KIAA1217: variants seen among roughly 807,000 people sequenced by gnomAD.
KIAA1217 encodes sickle tail protein homolog.
KIAA1217 carries 88 observed loss-of-function variants against 163.9 expected under a neutral mutation model. That is an observed-to-expected ratio of 0.54 (90% CI 0.45 to 0.64). The LOEUF is 0.64. Ranked by LOEUF, KIAA1217 falls within the 30% of genes least tolerant of loss-of-function variation. KIAA1217 has a pLI of 0.00. For synonymous variants in KIAA1217, 903 were observed against 923.1 expected, an observed-to-expected ratio of 0.98 and a Z score of 0.39; for missense variants, 2,372 against 2,475.0, an observed-to-expected ratio of 0.96 and a Z score of 0.88.
intron 2 of KIAA1217, among the ~76,000 whole-genome samples, chr10:24,185,235 T>C (rs2066366967): frequency 6.6e-6 from 1 of 152,146 alleles, no homozygotes; most frequent in African/African-American, 2.4e-5. Flanking sequence ...AACCCACAGG[T>C]AACCTGCAGG....
intron 2 of KIAA1217, among the ~76,000 whole-genome samples, chr10:24,374,892 C>T (rs909377569): frequency 2.6e-5 from 4 of 152,174 alleles, no homozygotes; most frequent in Non-Finnish European, 4.4e-5. Flanking sequence ...TCAAGCCATC[C>T]TCCTGCCTCA....
intron 1 of KIAA1217, among the ~76,000 whole-genome samples, chr10:23,830,272 T>C (rs922094999): frequency 2.0e-5 from 3 of 152,140 alleles, no homozygotes; most frequent in Non-Finnish European, 4.4e-5. Flanking sequence ...GTTTCACCTA[T>C]TTTGTGCTGG....
chr10:24,426,703 T>C (rs1366836606), intron 3 of KIAA1217, among the ~76,000 whole-genome samples: 3 of 152,290 alleles, frequency 2.0e-5, no homozygotes, highest in African/African-American at 7.2e-5. Flanking sequence ...CCTTCATTCC[T>C]GATGAGGAAA....
At chr10:23,725,356 T>C (rs1398216593) in intron 1 of KIAA1217, among the ~76,000 whole-genome samples, 2 of 152,212 alleles carry the variant, frequency 1.3e-5, no homozygotes, top group African/African-American at 2.4e-5. Flanking sequence ...AGAATGCACA[T>C]AGAAGGCAGT....
chr10:23,965,264 C>A (rs1032852465), intron 1 of KIAA1217, among the ~76,000 whole-genome samples: 2 of 152,214 alleles, frequency 1.3e-5, no homozygotes, highest in Non-Finnish European at 2.9e-5. Flanking sequence ...CGGAGGGCCT[C>A]TGCGTGTGTT....
chr10:23,964,595 C>T (rs777924543), intron 1 of KIAA1217, among the ~76,000 whole-genome samples: 118 of 151,554 alleles, frequency 7.8e-4, no homozygotes, highest in East Asian at 1.2e-3. Flanking sequence ...CTTGCTCTGT[C>T]GCCAGGCTGG....
In KIAA1217 at chr10:24,050,234, A is replaced by G. The variant is rs1316981699; in HGVS notation, c.-171+42860A>G. The stretch of plus-strand genomic sequence containing the variant: ...TTTGTCAGATGGATACATTGCAAAA[A>G]TTTTCTCCTGTTCTGTAGGTTGCCT... On this transcript the variant is annotated intron_variant, in intron 2 of 18. Coordinates refer to the KIAA1217 transcript ENST00000376462. Among the ~76,000 whole-genome samples the G allele has an allele frequency of 2.6e-5, 4 of 151,978 alleles. No individual in the cohort carries two copies. In the East Asian group the frequency reaches 7.7e-4, roughly 29 times the overall value.
At chr10:24,292,074 G>C (rs987370087) in intron 2 of KIAA1217, among the ~76,000 whole-genome samples, 4 of 152,230 alleles carry the variant, frequency 2.6e-5, no homozygotes, top group Non-Finnish European at 4.4e-5. Flanking sequence ...ATTTGGATGA[G>C]TTTTCTGGCT....
At chr10:23,816,821 G>C (rs902077873) in intron 1 of KIAA1217, among the ~76,000 whole-genome samples, 1 of 152,190 alleles carries the variant, frequency 6.6e-6, no homozygotes, top group Non-Finnish European at 1.5e-5. Flanking sequence ...TAGTCAGAAG[G>C]AGAATGGTGG....
intron 3 of KIAA1217, among the ~76,000 whole-genome samples, chr10:24,410,914 G>C (rs372645586): frequency 6.6e-6 from 1 of 151,990 alleles, no homozygotes; most frequent in South Asian, 2.1e-4. Context: ...ACAGTCCTTC[G>C]TGCGTGTCTT....
At chr10:23,823,478 T>C (rs552906484) in intron 1 of KIAA1217, among the ~76,000 whole-genome samples, 2 of 152,304 alleles carry the variant, frequency 1.3e-5, no homozygotes, top group African/African-American at 4.8e-5. Context: ...GGTCTCCACC[T>C]TTAAGGGCTC....
intron 2 of KIAA1217, among the ~76,000 whole-genome samples, chr10:24,175,526 G>A (rs1205117294): frequency 6.6e-6 from 1 of 151,856 alleles, no homozygotes; most frequent in African/African-American, 2.4e-5. Context: ...TCTTATCCAG[G>A]TTGCTGCAAA....
At chr10:23,948,967 T>TGG (rs1844191649) in intron 1 of KIAA1217, among the ~76,000 whole-genome samples, 1 of 152,156 alleles carries the variant, frequency 6.6e-6, no homozygotes, top group Non-Finnish European at 1.5e-5. Context: ...TCTGCTAAAC[T>TGG]GTGAGCCCTC....
chr10:24,357,035 C>T (rs2049199847), intron 2 of KIAA1217, among the ~76,000 whole-genome samples: 2 of 152,022 alleles, frequency 1.3e-5, no homozygotes, highest in African/African-American at 4.8e-5. Context: ...AAGAATTGGT[C>T]TCAGACTCTC....
At chr10:24,303,268 G>T (rs550554849) in intron 2 of KIAA1217, among the ~76,000 whole-genome samples, 2 of 151,910 alleles carry the variant, frequency 1.3e-5, no homozygotes, top group African/African-American at 4.8e-5. Flanking sequence ...CTCCTGCCTC[G>T]ATCTCCCTAA....
chr10:24,188,871 C>T (rs1011474856), intron 2 of KIAA1217, among the ~76,000 whole-genome samples: 5 of 151,938 alleles, frequency 3.3e-5, no homozygotes, highest in East Asian at 1.9e-4. Flanking sequence ...TTTGGGAGGC[C>T]GAGGCGGGCA....
chr10:24,408,329 G>A (rs1378863075), intron 3 of KIAA1217, among the ~76,000 whole-genome samples: 3 of 151,962 alleles, frequency 2.0e-5, no homozygotes, highest in Non-Finnish European at 4.4e-5. Flanking sequence ...CCCACCCTCC[G>A]AATGTATATA....
chr10:23,699,726 G>T (rs1035645322), intron 1 of KIAA1217, among the ~76,000 whole-genome samples: 14 of 152,130 alleles, frequency 9.2e-5, no homozygotes, highest in African/African-American at 3.4e-4. Flanking sequence ...TTGGGCTCAA[G>T]TGATCCTCAC....
chr10:23,752,759 C>A (rs1365624194), intron 1 of KIAA1217, among the ~76,000 whole-genome samples: 2 of 152,028 alleles, frequency 1.3e-5, no homozygotes, highest in Non-Finnish European at 2.9e-5. Context: ...TTATTAAATC[C>A]TAGGCATTAT....
Sources: allele counts gnomAD v4.1 joint callset (sites outside exome capture counted in the v4.1 genomes callset), GRCh38; gene constraint gnomAD v4.1.1; transcripts MANE v1.5; gene names NCBI Gene and HGNC (gene_info 2026-07-23, HGNC 2026-07-21).